AKAP9: variants seen among roughly 807,000 people sequenced by gnomAD.
AKAP9 encodes the protein A-kinase anchoring protein 9, also known as A-kinase anchor protein 9.
In AKAP9, 311 loss-of-function variants were observed where a neutral mutation model predicts 488.5. The ratio of observed to expected loss-of-function variants is 0.64; its 90% confidence interval spans 0.58 to 0.70. The LOEUF is 0.70. Among genes scored for constraint, AKAP9 ranks in the 30% least tolerant of loss-of-function variants. AKAP9 has a pLI of 0.00. For missense variants in AKAP9, 4,215 were observed against 4,374.5 expected (o/e 0.96, Z 1.03); for synonymous variants, 1,462 against 1,483.5 (o/e 0.99, Z 0.33).
chr7:91,948,466 GTTTTGTTT>G (rs900506684), intron 1 of AKAP9, among the ~76,000 whole-genome samples: 5 of 150,972 alleles, frequency 3.3e-5, no homozygotes, highest in African/African-American at 4.9e-5. Context: ...TTGTTTGTTT[GTTTTGTTT>G]TTTTGTTTTT....
intron 28 of AKAP9, 116 bp from the exon 29 acceptor site, chr7:92,076,739 T>C (rs902061726): frequency 4.9e-6 from 3 of 606,170 alleles, no homozygotes; most frequent in Non-Finnish European, 5.5e-6. Flanking sequence ...TCCTTTATTC[T>C]TATGACTCAT....
At chr7:92,038,988 C>A (rs1805618365) in intron 17 of AKAP9, among the ~76,000 whole-genome samples, 1 of 152,146 alleles carries the variant, frequency 6.6e-6, no homozygotes, top group Admixed American at 6.5e-5. Flanking sequence ...TCACTGCAAC[C>A]TCCATCTCCC....
rs772861449 is a variant in AKAP9 at position 92,038,792 on chromosome 7, T to C, written c.4692+20T>C. On this transcript the variant is annotated intron_variant, in intron 17 of 49. Coordinates refer to ENST00000356239, the MANE Select transcript of AKAP9 (RefSeq NM_005751.5). ...CAGTCTGTAAGTATGCCTCCTTGAATATAAAAAACTTATTTAAAAATTGTG... is the reference window on the plus strand; with the variant it reads ...CAGTCTGTAAGTATGCCTCCTTGAACATAAAAAACTTATTTAAAAATTGTG... The C allele has an allele frequency of 2.0e-6, 3 of 1,509,762 alleles. No individual in the cohort carries two copies. The African/African-American group carries it at 4.2e-5, about 21-fold the overall frequency. The allele number at this position is 1,509,762 out of a possible 1,614,324, so 93.5% of individuals were successfully genotyped here. A position where few individuals can be genotyped will look rare whatever the true frequency, so the allele number is the denominator to read the frequency against.
chr7:92,072,960 G>A (rs34581834), intron 28 of AKAP9, among the ~76,000 whole-genome samples: 12,205 of 152,228 alleles, frequency 0.08, 653 homozygotes, highest in Non-Finnish European at 0.12. Flanking sequence ...TTAAGTGGTT[G>A]AAAAGGAGTT....
chr7:92,066,362 A>G (rs1810763397), intron 25 of AKAP9, 65 bp from the exon 26 acceptor site: 1 of 1,583,528 alleles, frequency 6.3e-7, no homozygotes, highest in Non-Finnish European at 8.7e-7. Flanking sequence ...AAGGAGAAGT[A>G]AGAAATAATA....
chr7:92,084,616 G>C, intron 33 of AKAP9, 24 bp from the exon 34 acceptor site: 1 of 1,566,498 alleles, frequency 6.4e-7, no homozygotes, highest in South Asian at 1.1e-5. Flanking sequence ...AAAAATATAT[G>C]TACTTTTTGT....
rs1799275997 is a variant in AKAP9, at chr7:92,002,341, C to T, written c.2424C>T (p.Ser808=). Residue 808 remains serine (S), a synonymous_variant, in exon 8 of 50, where the codon TCC becomes TCT. Transcript: ENST00000356239. ...AAGAAAGATTGATTTTCTTAGACTC[C>T]ATTAAGTCCAAATCCAAAGACTCTG... ...SQEERLIFLD[S]IKSKSKDSVW... The T allele has an allele frequency of 6.2e-7, 1 of 1,612,766 alleles. No individual in the cohort carries two copies. The highest frequency in any genetic ancestry group is 1.3e-5 in the African/African-American group (1 of 74,956).
intron 22 of AKAP9, among the ~76,000 whole-genome samples, chr7:92,053,534 T>C (rs1859114): frequency 0.4 from 61,261 of 151,980 alleles, 12,681 homozygotes; most frequent in African/African-American, 0.47. Context: ...GAAACATTCA[T>C]TTCCCCAGGC....
intron 37 of AKAP9, among the ~76,000 whole-genome samples, chr7:92,087,280 C>T (rs949354726): frequency 1.3e-5 from 2 of 152,020 alleles, no homozygotes; most frequent in African/African-American, 4.8e-5. Flanking sequence ...CACACTGGTA[C>T]AATAGGATAA....
Position 92,098,171 on chromosome 7 carries a change from T to C in AKAP9, c.10670T>C (p.Ile3557Thr). 1 of 1,612,530 alleles carries C rather than the reference T, an allele frequency of 6.2e-7. No homozygotes were observed. Among genetic ancestry groups the C allele is most frequent in the South Asian group, 1.1e-5 (1 of 91,030 alleles). Residue 3557 changes from isoleucine to threonine, a missense_variant, in exon 43 of 50, where the codon ATT (isoleucine) becomes ACT (threonine). Around this residue, in one of 5 missense-constraint regions of AKAP9, gnomAD observed 1,476 missense variants for 1,477.4 expected, o/e 1.00. Transcript: ENST00000356239. Reference protein sequence around the residue: ...FIWVQENIDEIILQLQKLTGQ... With the variant: ...FIWVQENIDETILQLQKLTGQ... Reference sequence around the variant, plus strand: ...TGGGTTCAGGAAAATATTGATGAAATTATTTTACAACTACAGAAATTAACT... The same window carrying C: ...TGGGTTCAGGAAAATATTGATGAAACTATTTTACAACTACAGAAATTAACT...
At chr7:92,066,360 G>A in intron 25 of AKAP9, 67 bp from the exon 26 acceptor site, 2 of 1,581,444 alleles carry the variant, frequency 1.3e-6, no homozygotes, top group Non-Finnish European at 8.7e-7. Context: ...TAAAGGAGAA[G>A]TAAGAAATAA....
In AKAP9 at chr7:92,022,984, G is replaced by A; in HGVS notation, c.4123G>A (p.Val1375Ile). 1 of 1,614,006 alleles carries A rather than the reference G, an allele frequency of 6.2e-7. No homozygotes were observed. Among genetic ancestry groups the A allele is most frequent in the Non-Finnish European group, 8.5e-7 (1 of 1,179,910 alleles). Residue 1375 changes from valine to isoleucine, a missense_variant, in exon 14 of 50, where the codon GTT becomes ATT. Physicochemically the swap from Val to Ile is conservative, Grantham distance 29. This residue lies in a region of AKAP9 where 2,361 missense variants were observed against 2,430.0 expected (regional missense o/e 0.97). Coordinates refer to ENST00000356239, the MANE Select transcript of AKAP9 (RefSeq NM_005751.5). ...CTGTTTACAGAAGAGGCTTCAAGCT[G>A]TTAGTGAGTCCACGGTTCCGCCAAG... ...IHCLQKRLQA[V>I]SESTVPPSLP...
At chr7:91,956,557 CTATTAGACTGA>C (rs1247370835) in intron 1 of AKAP9, among the ~76,000 whole-genome samples, 1 of 152,098 alleles carries the variant, frequency 6.6e-6, no homozygotes, top group Non-Finnish European at 1.5e-5. Flanking sequence ...TTGGTGCTTT[CTATTAGACTGA>C]TAGAGTTTTA....
At chr7:92,016,392 C>T in intron 11 of AKAP9, 125 bp downstream of exon 11, 2 of 682,212 alleles carry the variant, frequency 2.9e-6, no homozygotes, top group Non-Finnish European at 4.8e-6. Context: ...ACATTTTATC[C>T]TCCTTTCAGA....
chr7:92,019,230 C>T (rs1267204148), intron 12 of AKAP9, among the ~76,000 whole-genome samples: 1 of 151,928 alleles, frequency 6.6e-6, no homozygotes, highest in Admixed American at 6.6e-5. Context: ...CAACCTCTGC[C>T]TCCCAGGTTC....
rs377717237 is a variant in AKAP9, at chr7:92,034,259, G to T, written c.4338+2655G>T. On this transcript the variant is annotated intron_variant, in intron 16 of 49. Transcript: ENST00000356239. Reference sequence around the variant, plus strand: ...CGGTCAGGAGACTTGACTAGAGTTTGTGGAGGCTGCTTGCCCAGCTGCTAC... The same window carrying T: ...CGGTCAGGAGACTTGACTAGAGTTTTTGGAGGCTGCTTGCCCAGCTGCTAC... Among the ~76,000 whole-genome samples, 79 of 152,202 alleles carry T rather than the reference G, an allele frequency of 5.2e-4. 2 individuals carry two copies. The East Asian group carries it at 0.013, about 25-fold the overall frequency.
At chr7:92,033,340 T>C (rs1334451521) in intron 16 of AKAP9, among the ~76,000 whole-genome samples, 1 of 152,170 alleles carries the variant, frequency 6.6e-6, no homozygotes, top group Non-Finnish European at 1.5e-5. Flanking sequence ...ATAATATAGA[T>C]TGTTGATATT....
chr7:91,986,044 C>T (rs1797044406), intron 3 of AKAP9, among the ~76,000 whole-genome samples: 1 of 152,106 alleles, frequency 6.6e-6, no homozygotes, highest in Non-Finnish European at 1.5e-5. Flanking sequence ...TCTGTCTGGT[C>T]CTGGACTTTT....
rs10248102 is a variant in AKAP9, at chr7:92,070,465, G to A, written c.6507+259G>A. ...TTTTGTTTTTTGGAGACATAGTTTC[G>A]CTCTTCTTGCCCAGGCTGGAGTGCA... is the stretch of plus-strand genomic sequence containing the variant. On this transcript the variant is annotated intron_variant, in intron 27 of 49. Coordinates refer to ENST00000356239, the MANE Select transcript of AKAP9 (RefSeq NM_005751.5). 0.4 allele frequency among the ~76,000 whole-genome samples: 60,691 copies of A among 151,240 alleles called. 12,458 individuals carry two copies. The highest frequency in any genetic ancestry group is 0.46 in the African/African-American group (19,137 of 41,210).
Sources: gnomAD v4.1 joint callset for allele counts (sites outside exome capture counted in the v4.1 genomes callset) on GRCh38, gnomAD v4.1.1 for gene constraint, gnomAD v4.1.1 regional missense constraint, MANE v1.5 for transcripts, NCBI Gene and HGNC (gene_info 2026-07-23, HGNC 2026-07-21) for gene names.